NOD2: variants seen among roughly 807,000 people sequenced by gnomAD.
NOD2 encodes the protein nucleotide-binding oligomerization domain-containing protein 2.
A neutral mutation model predicts 90.9 loss-of-function variants in NOD2; 86 were observed. That is an observed-to-expected ratio of 0.95 (90% CI 0.79 to 1.13). The LOEUF is 1.13. NOD2 is among the 50% of genes most tolerant of loss of function. The pLI is 0.00. For missense variants in NOD2, 1,238 were observed against 1,283.8 expected (o/e 0.96, Z 0.55); for synonymous variants, 581 against 554.6 (o/e 1.05, Z -0.67).
chr16:50,698,512 C>T (rs373095387), intron 1 of NOD2, among the ~76,000 whole-genome samples: 2 of 152,208 alleles, frequency 1.3e-5, no homozygotes, highest in African/African-American at 4.8e-5. Context: ...GAGTCTACCC[C>T]TTGGAGTAGC....
Position 50,720,040 on chromosome 16 carries a change from T to C in NOD2, c.2633+32T>C, listed in dbSNP as rs559565407. On this transcript the variant is annotated intron_variant, in intron 7 of 11. Transcript: ENST00000647318. ...TGGATTCCAGGAAGAGGGACCTGCA[T>C]GGAGGGGCTTGGGACTTTTGAGGAT... 1.4e-5 allele frequency: 22 copies of C among 1,587,762 alleles called. No homozygotes were observed. In the African/African-American group the frequency reaches 2.0e-4, roughly 15 times the overall value.
chr16:50,700,938 A>C (rs899298468), intron 2 of NOD2, among the ~76,000 whole-genome samples: 1 of 152,218 alleles, frequency 6.6e-6, no homozygotes, highest in African/African-American at 2.4e-5. Context: ...AGAGACCAGA[A>C]GGTCAGAGAA....
At chr16:50,720,308 C>T (rs1964997598) in intron 7 of NOD2, among the ~76,000 whole-genome samples, 1 of 152,186 alleles carries the variant, frequency 6.6e-6, no homozygotes, top group African/African-American at 2.4e-5. Context: ...ATTAAAACCA[C>T]CTGGAAGCTT....
intron 7 of NOD2, among the ~76,000 whole-genome samples, chr16:50,721,308 G>A (rs371305304): frequency 9.3e-5 from 14 of 150,742 alleles, no homozygotes; most frequent in East Asian, 3.9e-4. Context: ...TGGGCCAGGC[G>A]TTGTGCTAAA....
At chr16:50,697,130 GTGGGGT>G in intron 1 of NOD2, 1 of 927,616 alleles carries the variant, frequency 1.1e-6, no homozygotes, top group African/African-American at 1.6e-5. Flanking sequence ...TCCCTTGAAG[GTGGGGT>G]TGGTAGACAG....
intron 6 of NOD2, among the ~76,000 whole-genome samples, chr16:50,718,306 G>A (rs1348426691): frequency 2.0e-5 from 3 of 152,172 alleles, no homozygotes; most frequent in African/African-American, 4.8e-5. Context: ...CAATGAGGTC[G>A]GCAGCTGGAT....
chr16:50,709,893 G>T (rs1411845068), intron 3 of NOD2: 5 of 450,552 alleles, frequency 1.1e-5, no homozygotes, highest in Non-Finnish European at 2.2e-5. Flanking sequence ...ATTTTATCTC[G>T]CTGCCTCCTG....
At position 50,712,085 on chromosome 16, in the gene NOD2, C is replaced by G. The variant is rs5743278; in HGVS notation, c.2093C>G (p.Ala698Gly). The G allele has an allele frequency of 2.5e-3, 3,972 of 1,613,806 alleles. 103 individuals are homozygous for G. In the African/African-American group the frequency reaches 0.047, roughly 19 times the overall value. ...AAGCACTTCCACTCCATCCCGCCAG[C>G]TGCACCGGGTGAGGCCAAGAGCGTG... ...LRKHFHSIPP[A>G]APGEAKSVHA... Residue 698 changes from alanine to glycine, a missense_variant, in exon 4 of 12, where the codon GCT (alanine) becomes GGT (glycine). Coordinates refer to ENST00000647318, the MANE Select transcript of NOD2 (RefSeq NM_001370466.1).
intron 1 of NOD2, chr16:50,697,491 T>A: frequency 1.4e-6 from 1 of 702,378 alleles, no homozygotes; most frequent in Non-Finnish European, 2.6e-6. Context: ...GCAGGGTCAA[T>A]GGTGGGGGCC....
Position 50,724,795 on chromosome 16 carries a change from AG to A in NOD2, c.2802-692del, listed in dbSNP as rs75974290. 7.2e-5 allele frequency among the ~76,000 whole-genome samples: 11 copies of A among 152,344 alleles called. No homozygotes were observed. The East Asian group carries it at 2.1e-3, about 29-fold the overall frequency. ...GGTGACAGAATACCTCCATCTATAG[AG>A]GTTTAAACAAGGAAAGGGTTTATTT... On this transcript the variant is annotated intron_variant, in intron 9 of 11. Transcript: ENST00000647318.
chr16:50,720,084 C>T (rs1964985956), intron 7 of NOD2, 76 bp downstream of exon 7: 1 of 1,390,548 alleles, frequency 7.2e-7, no homozygotes. Context: ...AGGTGAAACT[C>T]TTCAGCCAGG....
chr16:50,713,693 T>C (rs1385961328), intron 4 of NOD2: 1 of 53,248 alleles, frequency 1.9e-5, no homozygotes, highest in Non-Finnish European at 3.7e-5. Flanking sequence ...TAGTAACAGC[T>C]GGGGGAGGGT....
rs751914672 is a variant in NOD2 at position 50,716,636 on chromosome 16, T to C, written c.2431T>C (p.Cys811Arg). ...CCGAGGCATCTGCAAGCTCATTGAA[T>C]GTGCTCTTCACTGCGAGCAATTGCA... ...SDRGICKLIECALHCEQLQKL... is the reference protein window; with the variant it reads ...SDRGICKLIERALHCEQLQKL... The change falls in exon 5 of 12, where the codon TGT (cysteine) becomes CGT (arginine). Residue 811 changes from cysteine to arginine, a missense_variant. Physicochemically the swap from Cys to Arg is radical, Grantham distance 180. Transcript: ENST00000647318. The C allele has an allele frequency of 6.2e-7, 1 of 1,614,258 alleles. No homozygotes were observed. Among genetic ancestry groups the C allele is most frequent in the African/African-American group, 1.3e-5 (1 of 75,078 alleles).
Position 50,699,687 on chromosome 16 carries a change from C to T in NOD2, c.192C>T (p.Thr64=), listed in dbSNP as rs146923251. 61 of 1,614,154 alleles carry T rather than the reference C, an allele frequency of 3.8e-5. No homozygotes were observed. The African/African-American group carries it at 6.3e-4, about 17-fold the overall frequency. ...LSHLARRLLD[T]VWNKGTWACQ... ...ACTTGGCCAGGCGCCTTCTGGACAC[C>T]GTCTGGAATAAGGGTACTTGGGCCT... is the stretch of plus-strand genomic sequence containing the variant. Residue 64 remains threonine (T), a synonymous_variant, in exon 2 of 12, where the codon ACC becomes ACT. Coordinates refer to ENST00000647318, the MANE Select transcript of NOD2 (RefSeq NM_001370466.1).
At chr16:50,701,317 C>A (rs1963929307) in intron 2 of NOD2, among the ~76,000 whole-genome samples, 1 of 152,202 alleles carries the variant, frequency 6.6e-6, no homozygotes, top group South Asian at 2.1e-4. Context: ...AATGACACTG[C>A]AGTGTTAAAA....
In NOD2 at chr16:50,716,894, A is replaced by G. The variant is rs768823670; in HGVS notation, c.2469A>G (p.Leu823=). Residue 823 remains leucine (L), a synonymous_variant, in exon 6 of 12, where the codon CTA becomes CTG. Transcript: ENST00000647318. ...CCTCTCTTCTGGAACTGAACAGTCT[A>G]TTCAACAACAAATTGACTGACGGCT... The part of the protein sequence containing the change: ...LHCEQLQKLA[L]FNNKLTDGCA... 3 of 1,614,038 alleles carry G rather than the reference A, an allele frequency of 1.9e-6. No individual in the cohort carries two copies. The African/African-American group carries it at 4.0e-5, about 22-fold the overall frequency.
Position 50,697,294 on chromosome 16 carries a change from T to G in NOD2, c.-8-2194T>G, listed in dbSNP as rs1206486127. The stretch of plus-strand genomic sequence containing the variant: ...CTCACGATGAGGAGGAAAGAGCAAG[T>G]GTCCTCCTCGGACATTCTCCGGGTA... On this transcript the variant is annotated intron_variant, in intron 1 of 11. Coordinates refer to ENST00000647318, the MANE Select transcript of NOD2 (RefSeq NM_001370466.1). The G allele has an allele frequency of 1.3e-6, 2 of 1,559,504 alleles. No homozygotes were observed. The highest frequency in any genetic ancestry group is 1.4e-5 in the African/African-American group (1 of 73,590).
intron 2 of NOD2, among the ~76,000 whole-genome samples, chr16:50,705,062 C>G (rs1452789578): frequency 1.3e-5 from 2 of 152,094 alleles, no homozygotes; most frequent in Non-Finnish European, 2.9e-5. Context: ...GTTAGAATTC[C>G]TTGACTGATC....
chr16:50,695,163 G>T lies in NOD2; in HGVS notation c.-9+1501G>T, dbSNP rs182384245. Among the ~76,000 whole-genome samples the T allele has an allele frequency of 2.6e-5, 4 of 151,902 alleles. No individual in the cohort carries two copies. In the South Asian group the frequency reaches 6.2e-4, roughly 24 times the overall value. On this transcript the variant is annotated intron_variant, in intron 1 of 11. Transcript: ENST00000647318. ...GTGGGGTGGAGAATGGATCATGGGG[G>T]GGGTGGGGTAAGGGCAGAAGGAGAG...
Sources: gnomAD v4.1 joint callset for allele counts (sites outside exome capture counted in the v4.1 genomes callset) on GRCh38, gnomAD v4.1.1 for gene constraint, MANE v1.5 for transcripts, NCBI Gene and HGNC (gene_info 2026-07-23, HGNC 2026-07-21) for gene names.